NGLY1: variants seen among roughly 807,000 people sequenced by gnomAD.
NGLY1 encodes peptide-N(4)-(N-acetyl-beta-glucosaminyl)asparagine amidase.
Under a neutral mutation model 84.6 loss-of-function variants are expected in NGLY1, and 68 were observed. That is an observed-to-expected ratio of 0.80 (90% CI 0.66 to 0.98). The LOEUF is 0.98. Ranked by LOEUF, NGLY1 falls within the 50% of genes least tolerant of loss-of-function variation. NGLY1 has a pLI of 0.00. For synonymous variants in NGLY1, 280 were observed against 275.2 expected (o/e 1.02, Z -0.17); for missense variants, 779 against 770.2 (o/e 1.01, Z -0.14).
At chr3:25,740,483 C>A (rs1052998667) in intron 4 of NGLY1, among the ~76,000 whole-genome samples, 1 of 152,090 alleles carries the variant, frequency 6.6e-6, no homozygotes, top group Admixed American at 6.5e-5. Context: ...GAAAATCAAT[C>A]TTAAAAACAT....
chr3:25,763,162 C>T (rs916862893), intron 3 of NGLY1, among the ~76,000 whole-genome samples: 2 of 152,002 alleles, frequency 1.3e-5, no homozygotes, highest in Admixed American at 6.6e-5. Flanking sequence ...GAAGTTTAAA[C>T]AAGATTAAGA....
At chr3:25,724,110 TG>T (rs1705140642) in intron 10 of NGLY1, among the ~76,000 whole-genome samples, 1 of 152,258 alleles carries the variant, frequency 6.6e-6, no homozygotes, top group South Asian at 2.1e-4. Context: ...GTTGGCTTTA[TG>T]TAACTAATAT....
At chr3:25,757,757 AG>A (rs1707113872) in intron 3 of NGLY1, among the ~76,000 whole-genome samples, 1 of 152,374 alleles carries the variant, frequency 6.6e-6, no homozygotes, top group East Asian at 1.9e-4. Context: ...GGATGTGGAC[AG>A]AAAGTATGAG....
intron 10 of NGLY1, among the ~76,000 whole-genome samples, chr3:25,721,424 T>C (rs1704982465): frequency 6.6e-6 from 1 of 152,088 alleles, no homozygotes; most frequent in Admixed American, 6.5e-5. Flanking sequence ...AAGTACTTGG[T>C]TCTTACATTA....
chr3:25,764,328 T>A lies in NGLY1; in HGVS notation c.247-17A>T. ...TGTTTCTCCCTGGAATTTATAAAAT[T>A]AAAAAAAATGTGAACCTTTGCTTTA... On this transcript the variant is annotated splice_polypyrimidine_tract_variant and intron_variant, in intron 2 of 11. Transcript: ENST00000280700. The A allele has an allele frequency of 6.3e-7, 1 of 1,598,966 alleles. No homozygotes were observed. Among genetic ancestry groups the A allele is most frequent in the African/African-American group, 1.4e-5 (1 of 73,716 alleles).
Position 25,778,962 on chromosome 3 carries a change from G to T in NGLY1, c.132-274C>A, listed in dbSNP as rs181352262. Among the ~76,000 whole-genome samples, 1,768 of 117,622 alleles carry T rather than the reference G, an allele frequency of 0.015. 49 individuals carry two copies. Among genetic ancestry groups the T allele is most frequent in the African/African-American group, 0.052 (1,683 of 32,188 alleles). 77.2% of individuals were successfully genotyped at this position (117,622 alleles called of 152,430 possible). ...TTTTTTTTTTTTTTTTGAGAGAGGG[G>T]TCTTGCTCTGTTTCCCAAGCTGGAG... On this transcript the variant is annotated intron_variant, in intron 1 of 11. Transcript: ENST00000280700.
At chr3:25,777,344 G>A (rs773156227) in intron 2 of NGLY1, among the ~76,000 whole-genome samples, 3 of 139,762 alleles carry the variant, frequency 2.1e-5, no homozygotes, top group Non-Finnish European at 4.5e-5. Context: ...GTGGTAAGCT[G>A]AGATTGCATC....
At chr3:25,770,509 A>C (rs1707839695) in intron 2 of NGLY1, among the ~76,000 whole-genome samples, 1 of 152,190 alleles carries the variant, frequency 6.6e-6, no homozygotes, top group African/African-American at 2.4e-5. Context: ...TTGCAATTGC[A>C]AACTGTGCTA....
In NGLY1 at chr3:25,764,207, A is replaced by G. The variant is rs761720978; in HGVS notation, c.351T>C (p.Asn117=). 10 of 1,613,982 alleles carry G rather than the reference A, an allele frequency of 6.2e-6. No homozygotes were observed. Among genetic ancestry groups the G allele is most frequent in the Non-Finnish European group, 8.5e-6 (10 of 1,180,030 alleles). ...IERSSRLDGS[N]KSHKVKSSQQ... The stretch of plus-strand genomic sequence containing the variant: ...GAGATGACTTTACTTTGTGGCTCTT[A>G]TTTGAGCCATCCAGTCTGCTACTTC... The change falls in exon 3 of 12, where the codon AAT becomes AAC. Residue 117 remains asparagine (N), a synonymous_variant. Transcript: ENST00000280700.
chr3:25,723,614 A>G (rs1272936900), intron 10 of NGLY1, among the ~76,000 whole-genome samples: 2 of 152,112 alleles, frequency 1.3e-5, no homozygotes, highest in Non-Finnish European at 2.9e-5. Flanking sequence ...ATCAGTAACT[A>G]TAATTTATTT....
chr3:25,755,499 A>G (rs893574448), intron 3 of NGLY1: 7 of 1,462,912 alleles, frequency 4.8e-6, no homozygotes, highest in Non-Finnish European at 3.8e-6. Context: ...TTCTCGGTCC[A>G]CACCTGTCAA....
In NGLY1 at chr3:25,783,105, G is replaced by A; in HGVS notation, c.131+155C>T. On this transcript the variant is annotated intron_variant, in intron 1 of 11. Coordinates refer to ENST00000280700, the MANE Select transcript of NGLY1 (RefSeq NM_018297.4). The surrounding 1 kb of genome is among the most constrained non-coding windows in gnomAD (Gnocchi z 4.5). ...CGGGTCCCGAGGCCCCTGGCCGGCG[G>A]GCTCGGACGTTAGGAGCAGAACCAG... 1 of 646,422 alleles carries A rather than the reference G, an allele frequency of 1.5e-6. No individual in the cohort carries two copies. Among genetic ancestry groups the A allele is most frequent in the Non-Finnish European group, 2.5e-6 (1 of 395,706 alleles). 40.0% of individuals were successfully genotyped at this position (646,422 alleles called of 1,614,324 possible). A position where few individuals can be genotyped will look rare whatever the true frequency, so the allele number is the denominator to read the frequency against.
At chr3:25,754,289 T>C (rs759429681) in intron 3 of NGLY1, among the ~76,000 whole-genome samples, 6 of 152,202 alleles carry the variant, frequency 3.9e-5, no homozygotes, top group Non-Finnish European at 8.8e-5. Flanking sequence ...ACCTGAACTT[T>C]TTTGTGGCAC....
At position 25,725,432 on chromosome 3, in the gene NGLY1, A is replaced by G. The variant is rs561363910; in HGVS notation, c.1611+3701T>C. Among the ~76,000 whole-genome samples the G allele has an allele frequency of 6.4e-4, 98 of 152,312 alleles. 1 individual carries two copies. The highest frequency in any genetic ancestry group is 2.2e-3 in the African/African-American group (92 of 41,566). On this transcript the variant is annotated intron_variant, in intron 10 of 11. Transcript: ENST00000280700. ...CAGTAAACGTGTTTCCCTGAGTTCTATGAGTCACTCTAGCAAATTAACTGA... is the reference window on the plus strand; with the variant it reads ...CAGTAAACGTGTTTCCCTGAGTTCTGTGAGTCACTCTAGCAAATTAACTGA...
chr3:25,765,176 GC>G (rs1465913048), intron 2 of NGLY1, among the ~76,000 whole-genome samples: 2 of 152,114 alleles, frequency 1.3e-5, no homozygotes, highest in Admixed American at 1.3e-4. Context: ...ATAAAAAGTT[GC>G]AGCTGGGCAT....
At chr3:25,741,490 AT>A (rs1453042883) in intron 4 of NGLY1, among the ~76,000 whole-genome samples, 1 of 152,188 alleles carries the variant, frequency 6.6e-6, no homozygotes, top group African/African-American at 2.4e-5. Flanking sequence ...TTTCTCTGGA[AT>A]AATATAAAAT....
chr3:25,779,559 C>T (rs1708316006), intron 1 of NGLY1, among the ~76,000 whole-genome samples: 2 of 152,008 alleles, frequency 1.3e-5, no homozygotes, highest in South Asian at 4.1e-4. Context: ...GAGGCAGTAT[C>T]TGGGATCCAT....
chr3:25,788,665 TTTCACACTATTA>T (rs1243844421), intron 1 of NGLY1, among the ~76,000 whole-genome samples: 5 of 152,216 alleles, frequency 3.3e-5, no homozygotes, highest in Non-Finnish European at 4.4e-5. Flanking sequence ...TTGTAGGTAT[TTTCACACTATTA>T]TTTTAAAGAC....
Sources: allele counts gnomAD v4.1 joint callset (sites outside exome capture counted in the v4.1 genomes callset), GRCh38; gene constraint gnomAD v4.1.1; non-coding constraint Gnocchi (gnomAD v3.1); transcripts MANE v1.5; gene names NCBI Gene and HGNC (gene_info 2026-07-23, HGNC 2026-07-21).